The following ZFPM2 variants were observed in gnomAD, a reference collection of about 807,000 sequenced individuals.
The protein encoded by ZFPM2 is zinc finger protein, FOG family member 2, also known as zinc finger protein ZFPM2.
A neutral mutation model predicts 98.6 loss-of-function variants in ZFPM2; 20 were observed. That is an observed-to-expected ratio of 0.20 (90% confidence interval 0.14 to 0.29). ZFPM2 has a LOEUF of 0.29. Ranked by LOEUF, ZFPM2 falls within the 10% of genes least tolerant of loss-of-function variation. The probability of loss-of-function intolerance (pLI) is 1.00; values close to 1 mark genes in which losing one functional copy is unlikely to be tolerated. For synonymous variants in ZFPM2, 518 were observed against 502.7 expected (o/e 1.03, Z -0.41); for missense variants, 1,310 against 1,388.6 (o/e 0.94, Z 0.90).
intron 4 of ZFPM2, among the ~76,000 whole-genome samples, chr8:105,581,985 A>G (rs1815612167): frequency 6.6e-6 from 1 of 152,230 alleles, no homozygotes; most frequent in African/African-American, 2.4e-5. Flanking sequence ...TGATAAGATC[A>G]TGCCTGTTAG....
intron 1 of ZFPM2, among the ~76,000 whole-genome samples, chr8:105,347,839 T>A (rs2129695618): frequency 6.6e-6 from 1 of 152,238 alleles, no homozygotes; most frequent in East Asian, 1.9e-4. Context: ...ATTATAGCCG[T>A]TGGACATGTT....
intron 1 of ZFPM2, among the ~76,000 whole-genome samples, chr8:105,354,005 G>A (rs753468384): frequency 3.9e-5 from 6 of 152,218 alleles, no homozygotes; most frequent in South Asian, 2.1e-4. Context: ...CTGGATCATC[G>A]TTGTCCAGAT....
chr8:105,526,320 C>T (rs1375317413), intron 3 of ZFPM2, among the ~76,000 whole-genome samples: 1 of 152,026 alleles, frequency 6.6e-6, no homozygotes. Context: ...ACCATAAAAT[C>T]CAAGAAAGTA....
At chr8:105,323,496 AC>A (rs1389682880) in intron 1 of ZFPM2, among the ~76,000 whole-genome samples, 2 of 151,928 alleles carry the variant, frequency 1.3e-5, no homozygotes, top group East Asian at 3.9e-4. Flanking sequence ...AATTAAAGGA[AC>A]CTGTATTCTG....
chr8:105,691,264 C>T (rs1275442583), intron 5 of ZFPM2, among the ~76,000 whole-genome samples: 1 of 58,208 alleles, frequency 1.7e-5, no homozygotes, highest in Non-Finnish European at 2.8e-5. Flanking sequence ...TTTTTTGAGA[C>T]GGAGTCTCGC....
At chr8:105,688,053 G>A (rs941618154) in intron 5 of ZFPM2, among the ~76,000 whole-genome samples, 4 of 151,910 alleles carry the variant, frequency 2.6e-5, no homozygotes, top group Non-Finnish European at 4.4e-5. Flanking sequence ...AAGAAAATGG[G>A]TTCATGAATA....
Position 105,802,793 on chromosome 8 carries a change from G to A in ZFPM2, c.2711G>A (p.Ser904Asn). The A allele has an allele frequency of 1.2e-6, 2 of 1,613,656 alleles. No individual in the cohort carries two copies. Among genetic ancestry groups the A allele is most frequent in the Non-Finnish European group, 1.7e-6 (2 of 1,179,814 alleles). Residue 904 changes from serine to asparagine, a missense_variant, in exon 8 of 8, where the codon AGC becomes AAC. Coordinates refer to ENST00000407775, the MANE Select transcript of ZFPM2 (RefSeq NM_012082.4). ...CCGAATCCAGAAAGCGAACGAAACA[G>A]CCCTGATGTCAGCTACGAAAGAAGC... ...VFPNPESERN[S>N]PDVSYERSII...
chr8:105,536,425 G>A (rs1249438601), intron 3 of ZFPM2, among the ~76,000 whole-genome samples: 2 of 151,712 alleles, frequency 1.3e-5, no homozygotes, highest in East Asian at 3.9e-4. Context: ...TATTTTTTAT[G>A]GTTTACTGTG....
intron 1 of ZFPM2, among the ~76,000 whole-genome samples, chr8:105,404,745 G>A (rs1238536464): frequency 2.0e-5 from 3 of 152,034 alleles, no homozygotes; most frequent in Admixed American, 6.6e-5. Context: ...GTAGCTGTGT[G>A]TGGAATCCTG....
intron 5 of ZFPM2, among the ~76,000 whole-genome samples, chr8:105,741,432 A>G (rs1056483341): frequency 6.6e-6 from 1 of 152,110 alleles, no homozygotes; most frequent in African/African-American, 2.4e-5. Flanking sequence ...AAATTATAGT[A>G]TATTGCCATG....
intron 2 of ZFPM2, among the ~76,000 whole-genome samples, chr8:105,441,452 G>GAGAAAGAAAGAAAGAAAGAA (rs34216988): frequency 1.3e-4 from 5 of 38,932 alleles, no homozygotes; most frequent in African/African-American, 1.7e-4. Context: ...GAGAGAGAGA[G>GAGAAAGAAAGAAAGAAAGAA]AGAAAGAAAG....
intron 2 of ZFPM2, 113 bp downstream of exon 2, chr8:105,419,415 A>T: frequency 7.7e-7 from 1 of 1,292,820 alleles, no homozygotes; most frequent in South Asian, 1.5e-5. Flanking sequence ...GCCGTCTGAA[A>T]ATAAGTGCAG....
intron 3 of ZFPM2, among the ~76,000 whole-genome samples, chr8:105,465,655 T>C (rs1294404679): frequency 6.6e-6 from 1 of 151,978 alleles, no homozygotes; most frequent in Non-Finnish European, 1.5e-5. Flanking sequence ...CTATTTGCAA[T>C]ATTTTTATGA....
At chr8:105,511,434 T>C (rs1010165642) in intron 3 of ZFPM2, among the ~76,000 whole-genome samples, 4 of 152,198 alleles carry the variant, frequency 2.6e-5, no homozygotes, top group African/African-American at 9.7e-5. Flanking sequence ...GAAGTGGGTG[T>C]GCATTTCTCA....
intron 2 of ZFPM2, among the ~76,000 whole-genome samples, chr8:105,427,383 C>T (rs566114090): frequency 6.6e-6 from 1 of 152,286 alleles, no homozygotes; most frequent in African/African-American, 2.4e-5. Flanking sequence ...ATATGTACTA[C>T]TGTTTAGCAT....
At chr8:105,715,352 AT>A (rs1811496765) in intron 5 of ZFPM2, among the ~76,000 whole-genome samples, 1 of 150,088 alleles carries the variant, frequency 6.7e-6, no homozygotes, top group African/African-American at 2.4e-5. Flanking sequence ...GAGAGCTGCG[AT>A]TGTCCCACAA....
chr8:105,532,406 C>T (rs969543020), intron 3 of ZFPM2, among the ~76,000 whole-genome samples: 1 of 152,076 alleles, frequency 6.6e-6, no homozygotes, highest in Admixed American at 6.6e-5. Context: ...TTTCTGCCAT[C>T]AAGTAGTAAT....
intron 5 of ZFPM2, among the ~76,000 whole-genome samples, chr8:105,639,492 A>G (rs1255057689): frequency 6.6e-6 from 1 of 152,020 alleles, no homozygotes; most frequent in Non-Finnish European, 1.5e-5. Flanking sequence ...CAACAACATA[A>G]TATTTCTTTA....
intron 5 of ZFPM2, among the ~76,000 whole-genome samples, chr8:105,671,933 C>T (rs1347812907): frequency 6.6e-6 from 1 of 152,048 alleles, no homozygotes; most frequent in African/African-American, 2.4e-5. Context: ...TGTTATGATG[C>T]CCCTCTAACT....
Sources: gnomAD v4.1 joint callset for allele counts (sites outside exome capture counted in the v4.1 genomes callset) on GRCh38, gnomAD v4.1.1 for gene constraint, MANE v1.5 for transcripts, NCBI Gene and HGNC (gene_info 2026-07-23, HGNC 2026-07-21) for gene names.